Variants in CTNNA1 observed in about 807,000 individuals in gnomAD.
The protein encoded by CTNNA1 is catenin alpha-1.
A neutral mutation model predicts 98.4 loss-of-function variants in CTNNA1; 37 were observed. The observed-to-expected ratio is 0.38, with a 90% confidence interval of 0.29 to 0.49. CTNNA1 has a LOEUF of 0.49. Among genes scored for constraint, CTNNA1 ranks in the 20% least tolerant of loss-of-function variants. CTNNA1 has a pLI of 0.95. For missense variants in CTNNA1, 761 were observed against 1,147.2 expected (o/e 0.66, Z 4.86); for synonymous variants, 404 against 413.2 (o/e 0.98, Z 0.27).
At chr5:138,910,958 G>A (rs946717422) in intron 10 of CTNNA1, among the ~76,000 whole-genome samples, 1 of 152,198 alleles carries the variant, frequency 6.6e-6, no homozygotes, top group Admixed American at 6.5e-5. Flanking sequence ...CAAGATCTCG[G>A]CCATGCGCAG....
At chr5:138,865,674 C>A (rs1046488151) in intron 7 of CTNNA1, among the ~76,000 whole-genome samples, 2 of 152,074 alleles carry the variant, frequency 1.3e-5, no homozygotes, top group African/African-American at 4.8e-5. Flanking sequence ...TATCAAAACC[C>A]ATTAGATCTG....
At position 138,929,249 on chromosome 5, in the gene CTNNA1, C is replaced by T. The variant is rs749421689; in HGVS notation, c.1903C>T (p.Pro635Ser). 7 of 1,563,894 alleles carry T rather than the reference C, an allele frequency of 4.5e-6. No individual in the cohort carries two copies. The African/African-American group carries it at 5.4e-5, about 12-fold the overall frequency. The part of the protein sequence containing the change: ...IRKAVLMIRT[P>S]EELDDSDFET... Reference sequence around the variant, plus strand: ...GTGATCTTTGTCTGGGTGGCAGACCCCTGAGGAGTTGGATGACTCTGACTT... The same window carrying T: ...GTGATCTTTGTCTGGGTGGCAGACCTCTGAGGAGTTGGATGACTCTGACTT... The change falls in exon 14 of 18, where the codon CCT (proline) becomes TCT (serine). Residue 635 changes from proline to serine, a missense_variant. Pro to Ser is a moderately conservative substitution (Grantham distance 74). Coordinates refer to ENST00000302763, the MANE Select transcript of CTNNA1 (RefSeq NM_001903.5).
intron 13 of CTNNA1, among the ~76,000 whole-genome samples, chr5:138,926,695 C>T (rs1334354895): frequency 1.3e-5 from 2 of 152,110 alleles, no homozygotes; most frequent in South Asian, 2.1e-4. Context: ...TACCTTTCCC[C>T]AAGCCTATGA....
intron 7 of CTNNA1, among the ~76,000 whole-genome samples, chr5:138,877,563 T>C (rs548439723): frequency 2.6e-5 from 4 of 151,678 alleles, no homozygotes; most frequent in African/African-American, 9.7e-5. Context: ...TTCTCCTGCC[T>C]CAGCCTCCTG....
chr5:138,834,980 G>A (rs1400624553), intron 7 of CTNNA1, among the ~76,000 whole-genome samples: 1 of 152,122 alleles, frequency 6.6e-6, no homozygotes, highest in Non-Finnish European at 1.5e-5. Context: ...ATCTTATGAA[G>A]TACATTGTCA....
chr5:138,825,505 T>G (rs1435864460), intron 6 of CTNNA1, among the ~76,000 whole-genome samples: 1 of 103,268 alleles, frequency 9.7e-6, no homozygotes, highest in Non-Finnish European at 1.9e-5. Context: ...TTTTAGGGCT[T>G]TAAAAGTAAC....
In CTNNA1 at chr5:138,886,902, C is replaced by T. The variant is rs1754171225; in HGVS notation, c.1144-588C>T. ...TATTAAGACTTAAGAAGTTGTAATA[C>T]AGACAATTTTTAAGAGGTAATGGAC... On this transcript the variant is annotated intron_variant, in intron 8 of 17. Coordinates refer to ENST00000302763, the MANE Select transcript of CTNNA1 (RefSeq NM_001903.5). Among the ~76,000 whole-genome samples the T allele has an allele frequency of 3.9e-5, 6 of 152,020 alleles. No individual in the cohort carries two copies. The South Asian group carries it at 1.2e-3, about 32-fold the overall frequency.
At chr5:138,930,393 G>A in intron 14 of CTNNA1, 80 bp from the exon 15 acceptor site, 1 of 1,033,554 alleles carries the variant, frequency 9.7e-7, no homozygotes, top group Non-Finnish European at 1.5e-6. Flanking sequence ...CAGATTGCCT[G>A]TTGGAAATAT....
intron 7 of CTNNA1, among the ~76,000 whole-genome samples, chr5:138,863,211 T>C (rs1014548210): frequency 6.6e-6 from 1 of 151,762 alleles, no homozygotes; most frequent in Non-Finnish European, 1.5e-5. Context: ...AGGCTAATGA[T>C]TGCTTCATCT....
chr5:138,881,735 G>A (rs562383267), intron 7 of CTNNA1, among the ~76,000 whole-genome samples: 24 of 151,280 alleles, frequency 1.6e-4, no homozygotes, highest in African/African-American at 5.4e-4. Context: ...TTCTTATTTG[G>A]TCTTGTAAAA....
intron 5 of CTNNA1, among the ~76,000 whole-genome samples, chr5:138,818,767 G>A (rs968050686): frequency 3.3e-5 from 5 of 152,130 alleles, no homozygotes; most frequent in Admixed American, 2.6e-4. Flanking sequence ...AGCTGACTGG[G>A]TCCCTGGTTG....
chr5:138,827,751 AT>A, intron 7 of CTNNA1, 33 bp downstream of exon 7: 2 of 1,611,292 alleles, frequency 1.2e-6, no homozygotes, highest in Non-Finnish European at 1.7e-6. Flanking sequence ...GAAGTAAGAT[AT>A]TTATGGATGA....
At chr5:138,913,083 GT>G (rs970375790) in intron 10 of CTNNA1, among the ~76,000 whole-genome samples, 16 of 149,750 alleles carry the variant, frequency 1.1e-4, no homozygotes, top group East Asian at 3.9e-4. Context: ...CTTTCGTTCA[GT>G]TTTTTTTTGT....
Position 138,812,247 on chromosome 5 carries a change from A to C in CTNNA1, c.533A>C (p.Lys178Thr), listed in dbSNP as rs1221110257. 2.5e-6 allele frequency: 4 copies of C among 1,613,922 alleles called. No homozygotes were observed. The South Asian group carries it at 4.4e-5, about 18-fold the overall frequency. ...GNEQDLGIQY[K>T]ALKPEVDKLN... ...GAACAAGACTTAGGAATCCAGTATAAAGCCCTAAAACCTGAAGTGGATAAG... is the reference window on the plus strand; with the variant it reads ...GAACAAGACTTAGGAATCCAGTATACAGCCCTAAAACCTGAAGTGGATAAG... Residue 178 changes from lysine (K) to threonine (T), a missense_variant, in exon 5 of 18, where the codon AAA becomes ACA. Coordinates refer to ENST00000302763, the MANE Select transcript of CTNNA1 (RefSeq NM_001903.5).
rs1008949931 is a variant in CTNNA1, at chr5:138,812,035, A to C, written c.469-148A>C. On this transcript the variant is annotated intron_variant, in intron 4 of 17. Coordinates refer to ENST00000302763, the MANE Select transcript of CTNNA1 (RefSeq NM_001903.5). ...AAGCTCCTGTGTAATTGCTGTTTAA[A>C]TGTTAGAAGACCATGCGCAAACTCG... 2.8e-4 allele frequency: 175 copies of C among 620,162 alleles called. 1 individual carries two copies. The East Asian group carries it at 4.9e-3, about 17-fold the overall frequency. The allele number at this position is 620,162 out of a possible 1,614,324, so 38.4% of individuals were successfully genotyped here. A position where few individuals can be genotyped will look rare whatever the true frequency, so the allele number is the denominator to read the frequency against.
chr5:138,870,743 AC>A (rs1232355420), intron 7 of CTNNA1: 3 of 152,220 alleles, frequency 2.0e-5, no homozygotes, highest in African/African-American at 7.2e-5. Context: ...GCTGTCTGTC[AC>A]CTGACAAATG....
intron 7 of CTNNA1, among the ~76,000 whole-genome samples, chr5:138,831,413 TTC>T (rs1203777273): frequency 6.6e-6 from 1 of 152,236 alleles, no homozygotes; most frequent in Non-Finnish European, 1.5e-5. Context: ...TGGTAGTTTA[TTC>T]TGTTTGTCCC....
intron 3 of CTNNA1, among the ~76,000 whole-genome samples, chr5:138,804,618 A>G (rs1318032518): frequency 7.2e-5 from 11 of 152,240 alleles, no homozygotes. Flanking sequence ...TTGCACATGT[A>G]TCAGCACTTC....
intron 11 of CTNNA1, among the ~76,000 whole-genome samples, chr5:138,923,525 G>A (rs1022179253): frequency 6.6e-6 from 1 of 151,894 alleles, no homozygotes; most frequent in Non-Finnish European, 1.5e-5. Flanking sequence ...TTTTTTGTTT[G>A]TTTTGGCTTT....
Sources: allele counts gnomAD v4.1 joint callset (sites outside exome capture counted in the v4.1 genomes callset), GRCh38; gene constraint gnomAD v4.1.1; transcripts MANE v1.5; gene names NCBI Gene and HGNC (gene_info 2026-07-23, HGNC 2026-07-21).